The following MAP3K7 variants were observed in gnomAD, a reference collection of about 807,000 sequenced individuals.
MAP3K7 encodes the protein mitogen-activated protein kinase kinase kinase 7.
A neutral mutation model predicts 84.8 loss-of-function variants in MAP3K7; 21 were observed. That is an observed-to-expected ratio of 0.25 (90% CI 0.18 to 0.36). The LOEUF is 0.36. Ranked by LOEUF, MAP3K7 falls within the 10% of genes least tolerant of loss-of-function variation. The pLI is 1.00. For synonymous variants in MAP3K7, 241 were observed against 247.7 expected, an observed-to-expected ratio of 0.97 and a Z score of 0.25; for missense variants, 503 against 747.7, an observed-to-expected ratio of 0.67 and a Z score of 3.82.
intron 2 of MAP3K7, among the ~76,000 whole-genome samples, chr6:90,570,166 A>G (rs1231878923): frequency 6.6e-6 from 1 of 152,186 alleles, no homozygotes; most frequent in Non-Finnish European, 1.5e-5. Context: ...AAGATTTGAA[A>G]AATTTTAAGG....
intron 11 of MAP3K7, among the ~76,000 whole-genome samples, chr6:90,545,990 T>C (rs1775989135): frequency 6.6e-6 from 1 of 152,166 alleles, no homozygotes; most frequent in Non-Finnish European, 1.5e-5. Flanking sequence ...AACAGCCATT[T>C]TGGAGCACAG....
intron 1 of MAP3K7, among the ~76,000 whole-genome samples, chr6:90,584,304 A>G (rs1248028080): frequency 3.9e-5 from 6 of 152,180 alleles, no homozygotes; most frequent in Non-Finnish European, 7.4e-5. Context: ...AATGTATGCA[A>G]ATGAAGAAGA....
chr6:90,568,459 T>TAAAAAAAA, intron 3 of MAP3K7, 99 bp downstream of exon 3: 1 of 920,762 alleles, frequency 1.1e-6, no homozygotes, highest in East Asian at 2.6e-5. Flanking sequence ...TTGAAAAACT[T>TAAAAAAAA]AAAAAAAACA....
intron 12 of MAP3K7, chr6:90,542,121 T>C (rs1191360098): frequency 2.6e-5 from 12 of 467,202 alleles, no homozygotes; most frequent in Non-Finnish European, 3.1e-5. Flanking sequence ...AACAAAACAA[T>C]TTCTAGAAAG....
chr6:90,578,077 G>C (rs1745293341), intron 1 of MAP3K7, among the ~76,000 whole-genome samples: 1 of 152,116 alleles, frequency 6.6e-6, no homozygotes, highest in South Asian at 2.1e-4. Context: ...AAATTTCTGA[G>C]TACAAAGATA....
intron 1 of MAP3K7, among the ~76,000 whole-genome samples, chr6:90,574,172 G>A (rs547219097): frequency 2.0e-5 from 3 of 152,200 alleles, no homozygotes; most frequent in Non-Finnish European, 2.9e-5. Context: ...TACAGGATTC[G>A]TAAGTTAAAA....
chr6:90,521,137 T>G (rs1378033982), intron 14 of MAP3K7, among the ~76,000 whole-genome samples: 4 of 152,044 alleles, frequency 2.6e-5, no homozygotes, highest in Non-Finnish European at 5.9e-5. Context: ...TTTCATCTTC[T>G]CTCTAAAAAA....
chr6:90,563,418 G>A (rs892686901), intron 3 of MAP3K7, among the ~76,000 whole-genome samples: 8 of 152,246 alleles, frequency 5.3e-5, no homozygotes, highest in African/African-American at 1.7e-4. Flanking sequence ...CAAGAACTAC[G>A]TGACACATGC....
At chr6:90,529,547 C>T (rs943676433) in intron 13 of MAP3K7, among the ~76,000 whole-genome samples, 13 of 152,186 alleles carry the variant, frequency 8.5e-5, no homozygotes, top group African/African-American at 3.1e-4. Flanking sequence ...CAGAGTTTGA[C>T]TGTGCTCTGC....
intron 11 of MAP3K7, among the ~76,000 whole-genome samples, chr6:90,545,749 T>C (rs1331269341): frequency 6.6e-6 from 1 of 152,168 alleles, no homozygotes; most frequent in Non-Finnish European, 1.5e-5. Context: ...TTAGCAATAG[T>C]ACTCTGATTT....
At chr6:90,521,050 G>C (rs1027911222) in intron 14 of MAP3K7, among the ~76,000 whole-genome samples, 11 of 151,932 alleles carry the variant, frequency 7.2e-5, no homozygotes, top group Non-Finnish European at 1.2e-4. Flanking sequence ...TCTGGGAGCA[G>C]AAAAAAAGTC....
intron 12 of MAP3K7, among the ~76,000 whole-genome samples, chr6:90,544,129 G>C (rs1204180799): frequency 1.3e-5 from 2 of 152,086 alleles, no homozygotes; most frequent in African/African-American, 2.4e-5. Context: ...ACAGAAAGAG[G>C]TTAGGACAGA....
chr6:90,518,261 T>A (rs1775034250), intron 16 of MAP3K7, among the ~76,000 whole-genome samples, 186 bp downstream of exon 16: 1 of 151,766 alleles, frequency 6.6e-6, no homozygotes, highest in South Asian at 2.1e-4. Context: ...TCCATAGCAC[T>A]AATATGATAG....
Position 90,586,933 on chromosome 6 carries a change from C to T in MAP3K7, c.-50G>A. The T allele has an allele frequency of 6.5e-7, 1 of 1,528,612 alleles. No individual in the cohort carries two copies. The highest frequency in any genetic ancestry group is 2.2e-5 in the Admixed American group (1 of 44,966). The allele number at this position is 1,528,612 out of a possible 1,614,324, so 94.7% of individuals were successfully genotyped here. A position where few individuals can be genotyped will look rare whatever the true frequency, so the allele number is the denominator to read the frequency against. ...CCGGGAACGGTGCCACCCGGACAAT[C>T]CGGGTGAGACCCGCGCCCACCCGCC... On this transcript the variant is annotated 5_prime_UTR_variant, in exon 1 of 17. Coordinates refer to ENST00000369329, the MANE Select transcript of MAP3K7 (RefSeq NM_145331.3).
intron 1 of MAP3K7, among the ~76,000 whole-genome samples, chr6:90,583,036 C>T (rs1159468203): frequency 6.6e-6 from 1 of 152,056 alleles, no homozygotes; most frequent in Non-Finnish European, 1.5e-5. Context: ...GCCTGTGCCA[C>T]CACACCCAGC....
In MAP3K7 at chr6:90,516,412, AAC is replaced by A. The variant is rs1209165302; in HGVS notation, c.*87_*88del. On this transcript the variant is annotated 3_prime_UTR_variant, in exon 17 of 17. Coordinates refer to ENST00000369329, the MANE Select transcript of MAP3K7 (RefSeq NM_145331.3). ...GGCATTCAGAACACGCCAAAAAGCT[AAC>A]ACTCATGAATCGTCATTATAAGGTT... The A allele has an allele frequency of 5.1e-6, 7 of 1,361,262 alleles. No homozygotes were observed. Among genetic ancestry groups the A allele is most frequent in the Non-Finnish European group, 7.2e-6 (7 of 976,352 alleles). The allele number at this position is 1,361,262 out of a possible 1,614,324, so 84.3% of individuals were successfully genotyped here. A position where few individuals can be genotyped will look rare whatever the true frequency, so the allele number is the denominator to read the frequency against.
intron 13 of MAP3K7, among the ~76,000 whole-genome samples, chr6:90,531,128 A>G (rs569545827): frequency 1.3e-5 from 2 of 152,344 alleles, no homozygotes; most frequent in East Asian, 3.9e-4. Flanking sequence ...CCTCAGGGGC[A>G]GATTACCATC....
At chr6:90,534,787 T>C (rs1775614264) in intron 13 of MAP3K7, among the ~76,000 whole-genome samples, 1 of 152,196 alleles carries the variant, frequency 6.6e-6, no homozygotes, top group Non-Finnish European at 1.5e-5. Context: ...TAGGACAAGC[T>C]TCTCATTCCT....
Position 90,514,328 on chromosome 6 carries a change from A to G in MAP3K7, c.*2173T>C, listed in dbSNP as rs767979754. 6.6e-6 allele frequency: 1 copy of G among 151,972 alleles called. No individual in the cohort carries two copies. The highest frequency in any genetic ancestry group is 1.5e-5 in the Non-Finnish European group (1 of 67,940). The allele number at this position is 151,972 out of a possible 1,614,324, so 9.4% of individuals were successfully genotyped here. A position where few individuals can be genotyped will look rare whatever the true frequency, so the allele number is the denominator to read the frequency against. On this transcript the variant is annotated 3_prime_UTR_variant, in exon 17 of 17. Transcript: ENST00000369329. Reference sequence around the variant, plus strand: ...GGATCATCAGGACTTAAAAGCATGAAATTGACAACACAACTACTTAAAAAC... The same window carrying G: ...GGATCATCAGGACTTAAAAGCATGAGATTGACAACACAACTACTTAAAAAC...
Sources: gnomAD v4.1 joint callset for allele counts (sites outside exome capture counted in the v4.1 genomes callset) on GRCh38, gnomAD v4.1.1 for gene constraint, MANE v1.5 for transcripts, NCBI Gene and HGNC (gene_info 2026-07-23, HGNC 2026-07-21) for gene names.